The following MTCL1 variants were observed in gnomAD, a reference collection of about 807,000 sequenced individuals.
MTCL1 encodes microtubule crosslinking factor 1, also known as microtubule cross-linking factor 1.
Under a neutral mutation model 141.4 loss-of-function variants are expected in MTCL1, and 79 were observed. That is an observed-to-expected ratio of 0.56 (90% CI 0.47 to 0.67). The LOEUF is 0.67. Ranked by LOEUF, MTCL1 falls within the 30% of genes least tolerant of loss-of-function variation. The pLI, the probability that MTCL1 is intolerant of heterozygous loss-of-function variation, is 0.00. For missense variants in MTCL1, 2,177 were observed against 2,113.9 expected (o/e 1.03, Z -0.59); for synonymous variants, 914 against 875.8 (o/e 1.04, Z -0.77).
At chr18:8,761,505 C>T (rs1432354966) in intron 4 of MTCL1, among the ~76,000 whole-genome samples, 3 of 152,232 alleles carry the variant, frequency 2.0e-5, no homozygotes, top group Non-Finnish European at 4.4e-5. Context: ...CACTCCCCTC[C>T]TGCCCTTCAC....
At chr18:8,749,614 T>C (rs540680876) in intron 4 of MTCL1, among the ~76,000 whole-genome samples, 1 of 152,310 alleles carries the variant, frequency 6.6e-6, no homozygotes, top group African/African-American at 2.4e-5. Flanking sequence ...AGCCTGAGCT[T>C]GGGCAGATCC....
chr18:8,785,518 G>A (rs751577797), intron 6 of MTCL1, among the ~76,000 whole-genome samples: 6 of 152,228 alleles, frequency 3.9e-5, no homozygotes, highest in Non-Finnish European at 5.9e-5. Context: ...CCCAGCTGCC[G>A]CCCTGGACTG....
intron 5 of MTCL1, among the ~76,000 whole-genome samples, chr18:8,778,261 A>T (rs2096519482): frequency 6.6e-6 from 1 of 152,252 alleles, no homozygotes; most frequent in African/African-American, 2.4e-5. Flanking sequence ...CGAGTCATTC[A>T]TAAGACATTG....
chr18:8,831,456 T>G, intron 16 of MTCL1, 151 bp from the exon 15 acceptor site: 1 of 1,439,694 alleles, frequency 6.9e-7, no homozygotes. Context: ...TAAGTTATTC[T>G]GCATGAGCAT....
chr18:8,815,794 G>A (rs2076636400), intron 12 of MTCL1, among the ~76,000 whole-genome samples: 1 of 152,048 alleles, frequency 6.6e-6, no homozygotes, highest in Non-Finnish European at 1.5e-5. Flanking sequence ...GACAGCCTCA[G>A]AACCCAGTCC....
At position 8,760,145 on chromosome 18, in the gene MTCL1, G is replaced by A. The variant is rs150212534; in HGVS notation, c.358-17688G>A. 2.6e-3 allele frequency among the ~76,000 whole-genome samples: 398 copies of A among 152,304 alleles called. 2 individuals carry two copies. In the Middle Eastern group the frequency reaches 0.031, roughly 12 times the overall value. On this transcript the variant is annotated intron_variant, in intron 4 of 16. Transcript: ENST00000359865. ...TCATGTCCATCTGGAACGCGAGAGCGGTCAGCAGGAGGTGGACAGTCCCTC... is the reference window on the plus strand; with the variant it reads ...TCATGTCCATCTGGAACGCGAGAGCAGTCAGCAGGAGGTGGACAGTCCCTC...
At chr18:8,719,631 T>C (rs529629884) in intron 3 of MTCL1, among the ~76,000 whole-genome samples, 129 of 152,294 alleles carry the variant, frequency 8.5e-4, no homozygotes, top group African/African-American at 3.1e-3. Flanking sequence ...GGCACCATCA[T>C]AGCTCACTGT....
At chr18:8,825,368 G>A (rs766665787) in exon 15 of MTCL1, 1 of 1,537,864 alleles carries the variant, frequency 6.5e-7, no homozygotes, top group Non-Finnish European at 8.8e-7. Context: ...ACATGAAGGA[G>A]GTGGCCTTCT....
At chr18:8,797,808 C>T (rs961136306) in intron 9 of MTCL1, among the ~76,000 whole-genome samples, 2 of 152,182 alleles carry the variant, frequency 1.3e-5, no homozygotes, top group African/African-American at 4.8e-5. Context: ...TGGAGTTCCT[C>T]CTCCTTTAAC....
chr18:8,795,183 C>G (rs1331652231), intron 8 of MTCL1, among the ~76,000 whole-genome samples: 1 of 152,242 alleles, frequency 6.6e-6, no homozygotes, highest in African/African-American at 2.4e-5. Context: ...AGAGCTGCCT[C>G]TGACTCTTCA....
intron 4 of MTCL1, among the ~76,000 whole-genome samples, chr18:8,764,475 C>T (rs1450263041): frequency 6.6e-6 from 1 of 151,944 alleles, no homozygotes. Flanking sequence ...GCACCACACA[C>T]CCGGATAATT....
Position 8,798,127 on chromosome 18 carries a change from G to A in MTCL1, c.2272G>A (p.Gly758Arg), listed in dbSNP as rs781530555. Residue 758 changes from glycine to arginine, a missense_variant, in exon 10 of 17, where the codon GGG becomes AGG. Physicochemically the swap from Gly to Arg is moderately radical, Grantham distance 125. Transcript: ENST00000359865. Reference sequence around the variant, plus strand: ...ACATCCAGAGACCCTCTCCAGGCTCGGGGAGCTTGGAGTCCAGGGGGGTCA... The same window carrying A: ...ACATCCAGAGACCCTCTCCAGGCTCAGGGAGCTTGGAGTCCAGGGGGGTCA... The A allele has an allele frequency of 3.2e-5, 51 of 1,591,102 alleles. No homozygotes were observed. In the Admixed American group the frequency reaches 3.9e-4, roughly 12 times the overall value.
At chr18:8,831,749 C>T (rs267605265) in exon 17 of MTCL1, 1 of 1,550,468 alleles carries the variant, frequency 6.4e-7, no homozygotes, top group South Asian at 1.2e-5. Flanking sequence ...GACCCGACGT[C>T]CTTGGAGGAG....
rs2076961708 is a variant in MTCL1, at chr18:8,824,811, CT to C, written c.3302del (p.Leu1101ArgfsTer57). The C allele has an allele frequency of 6.2e-7, 1 of 1,614,182 alleles. No individual in the cohort carries two copies. The highest frequency in any genetic ancestry group is 8.5e-7 in the Non-Finnish European group (1 of 1,180,044). ...CAGCAAGGAGGATGTCACCCCACCC[CT>C]GTCTCCAGACGACCTCAAGTACATC... On this transcript the variant is annotated frameshift_variant, in exon 15 of 17. Coordinates refer to ENST00000359865, the Ensembl canonical transcript of MTCL1. LOFTEE classifies it high-confidence loss of function.
intron 4 of MTCL1, among the ~76,000 whole-genome samples, chr18:8,748,871 C>T (rs1013970342): frequency 2.6e-5 from 4 of 152,026 alleles, no homozygotes; most frequent in Admixed American, 6.6e-5. Context: ...ATCTTATGTT[C>T]AGGTGATCAC....
chr18:8,708,735 GTC>G (rs796825524), intron 1 of MTCL1, among the ~76,000 whole-genome samples: 21 of 152,282 alleles, frequency 1.4e-4, no homozygotes, highest in African/African-American at 4.8e-4. Context: ...CGTCATGCCC[GTC>G]TCTCCACTAG....
chr18:8,745,972 A>G (rs111521175), intron 4 of MTCL1, among the ~76,000 whole-genome samples: 1 of 152,132 alleles, frequency 6.6e-6, no homozygotes, highest in Non-Finnish European at 1.5e-5. Flanking sequence ...ACCTCATATA[A>G]TTGGAATCAT....
chr18:8,805,495 C>A (rs376282486), intron 10 of MTCL1, among the ~76,000 whole-genome samples: 1 of 152,184 alleles, frequency 6.6e-6, no homozygotes. Flanking sequence ...TCCAAAGTAT[C>A]TTAAATTCCT....
chr18:8,787,558 C>T (rs900963205), intron 7 of MTCL1, among the ~76,000 whole-genome samples: 9 of 152,252 alleles, frequency 5.9e-5, no homozygotes, highest in Non-Finnish European at 8.8e-5. Flanking sequence ...ATTGTACAGC[C>T]GCTGTCTTGC....
Sources: allele counts gnomAD v4.1 joint callset (sites outside exome capture counted in the v4.1 genomes callset), GRCh38; gene constraint gnomAD v4.1.1; transcripts MANE v1.5; gene names NCBI Gene and HGNC (gene_info 2026-07-23, HGNC 2026-07-21).